The following FBXO25 variants were observed in gnomAD, a reference collection of about 807,000 sequenced individuals.
The protein encoded by FBXO25 is F-box only protein 25.
A neutral mutation model predicts 51.9 loss-of-function variants in FBXO25; 45 were observed. That is an observed-to-expected ratio of 0.87 (90% confidence interval 0.68 to 1.11). The LOEUF (loss-of-function observed/expected upper bound fraction) is 1.11. FBXO25 is among the 50% of genes most tolerant of loss of function. FBXO25 has a pLI of 0.00. For synonymous variants in FBXO25, 199 were observed against 151.0 expected (o/e 1.32, Z -2.33); for missense variants, 507 against 428.5 (o/e 1.18, Z -1.62).
At chr8:414,006 G>T (rs1418531868) in intron 2 of FBXO25, among the ~76,000 whole-genome samples, 6 of 152,106 alleles carry the variant, frequency 3.9e-5, no homozygotes, top group African/African-American at 1.4e-4. Flanking sequence ...AATGTCATGG[G>T]TCTAGTCATT....
chr8:450,137 C>T, intron 6 of FBXO25, 54 bp downstream of exon 6: 2 of 1,331,676 alleles, frequency 1.5e-6, no homozygotes, highest in African/African-American at 1.5e-5. Flanking sequence ...AAATTTGGTG[C>T]AAGGAGATGG....
chr8:464,402 G>A (rs1434137632), intron 9 of FBXO25, among the ~76,000 whole-genome samples: 1 of 152,222 alleles, frequency 6.6e-6, no homozygotes, highest in Non-Finnish European at 1.5e-5. Context: ...TGGTCCTGGA[G>A]TGACCCTGCT....
intron 2 of FBXO25, among the ~76,000 whole-genome samples, chr8:421,081 G>C (rs1797125791): frequency 6.6e-6 from 1 of 152,244 alleles, no homozygotes; most frequent in Non-Finnish European, 1.5e-5. Context: ...CAGGAGGTGA[G>C]CAGAGGGCAG....
chr8:442,288 T>TTA (rs200390503), intron 5 of FBXO25, among the ~76,000 whole-genome samples: 304 of 43,812 alleles, frequency 6.9e-3, no homozygotes, highest in African/African-American at 0.02. Flanking sequence ...ACTCCAATTA[T>TTA]TTTTTTTTTT....
chr8:459,156 C>T (rs558446370), intron 8 of FBXO25, among the ~76,000 whole-genome samples: 56 of 152,324 alleles, frequency 3.7e-4, no homozygotes, highest in African/African-American at 1.3e-3. Flanking sequence ...CCCCTCGTCA[C>T]CCCACAGATG....
chr8:461,372 C>G (rs1404805674), intron 8 of FBXO25, among the ~76,000 whole-genome samples: 2 of 152,162 alleles, frequency 1.3e-5, no homozygotes, highest in Non-Finnish European at 2.9e-5. Context: ...CTGGGGAGGC[C>G]TCACAATCCT....
At chr8:424,578 T>C (rs1181414189) in intron 2 of FBXO25, among the ~76,000 whole-genome samples, 1 of 152,236 alleles carries the variant, frequency 6.6e-6, no homozygotes, top group Admixed American at 6.5e-5. Context: ...GTCTTCTGTA[T>C]GTGGCTAGCC....
At position 474,575 on chromosome 8, in the gene FBXO25, T is replaced by C. The variant is rs1266601486; in HGVS notation, c.*5771T>C. ...CTGTTTTTAATAATTGCCATCCTAA[T>C]GAGTGTGAAGTGGTATCCTGCTGAG... On this transcript the variant is annotated 3_prime_UTR_variant, in exon 10 of 10. Coordinates refer to ENST00000350302, the MANE Select transcript of FBXO25 (RefSeq NM_183420.2). 5 of 367,432 alleles carry C rather than the reference T, an allele frequency of 1.4e-5. No homozygotes were observed. Among genetic ancestry groups the C allele is most frequent in the Non-Finnish European group, 2.6e-5 (5 of 190,560 alleles). 22.8% of individuals were successfully genotyped at this position (367,432 alleles called of 1,614,324 possible). A position where few individuals can be genotyped will look rare whatever the true frequency, so the allele number is the denominator to read the frequency against.
chr8:416,684 C>A (rs987151512), intron 2 of FBXO25, among the ~76,000 whole-genome samples: 2 of 152,106 alleles, frequency 1.3e-5, no homozygotes, highest in African/African-American at 4.8e-5. Context: ...TAAAATCTAC[C>A]CAGGAGCCAG....
At chr8:411,123 A>G (rs1796462254) in intron 1 of FBXO25, among the ~76,000 whole-genome samples, 1 of 152,202 alleles carries the variant, frequency 6.6e-6, no homozygotes, top group African/African-American at 2.4e-5. Context: ...TCTACGATAT[A>G]AATATTCTAT....
intron 9 of FBXO25, chr8:467,912 C>T (rs1800288267): frequency 2.0e-6 from 3 of 1,486,064 alleles, no homozygotes; most frequent in Admixed American, 4.8e-5. Context: ...TGATCAAACA[C>T]CTCAGCAAGG....
intron 2 of FBXO25, among the ~76,000 whole-genome samples, chr8:426,084 T>G (rs17665382): frequency 0.1 from 15,380 of 152,108 alleles, 908 homozygotes; most frequent in African/African-American, 0.16. Context: ...GTGCACGCTG[T>G]TAACCATGGC....
intron 5 of FBXO25, among the ~76,000 whole-genome samples, chr8:445,020 G>C (rs1798649769): frequency 1.3e-5 from 2 of 152,168 alleles, no homozygotes; most frequent in African/African-American, 2.4e-5. Flanking sequence ...ATTCCCAACA[G>C]ACTTTGCTTT....
chr8:449,964 C>A (rs545415694), intron 5 of FBXO25, 26 bp from the exon 6 acceptor site: 7 of 1,507,284 alleles, frequency 4.6e-6, no homozygotes, highest in Non-Finnish European at 6.4e-6. Context: ...ATATATCGCT[C>A]AGCTTTTTTC....
intron 2 of FBXO25, among the ~76,000 whole-genome samples, chr8:423,022 A>C (rs1256134476): frequency 6.6e-6 from 1 of 152,176 alleles, no homozygotes; most frequent in Non-Finnish European, 1.5e-5. Context: ...GTGAGGAACA[A>C]ATCTGTTTGT....
At position 474,441 on chromosome 8, in the gene FBXO25, C is replaced by T. The variant is rs2116898052; in HGVS notation, c.*5637C>T. The T allele has an allele frequency of 3.3e-6, 1 of 299,362 alleles. No homozygotes were observed. Among genetic ancestry groups the T allele is most frequent in the South Asian group, 3.0e-5 (1 of 33,718 alleles). 18.5% of individuals were successfully genotyped at this position (299,362 alleles called of 1,614,324 possible). ...TGAGTCTCTGCTTTCAATCATATGGCAATCCTATGTTTAATTTCTTAGGGC... is the reference window on the plus strand; with the variant it reads ...TGAGTCTCTGCTTTCAATCATATGGTAATCCTATGTTTAATTTCTTAGGGC... On this transcript the variant is annotated 3_prime_UTR_variant, in exon 10 of 10. Coordinates refer to ENST00000350302, the MANE Select transcript of FBXO25 (RefSeq NM_183420.2).
chr8:435,356 T>C (rs536703546), intron 4 of FBXO25: 1 of 481,276 alleles, frequency 2.1e-6, no homozygotes, highest in African/African-American at 2.0e-5. Context: ...GCAAGATATT[T>C]AATAAATATT....
At chr8:460,154 C>T (rs775429327) in intron 8 of FBXO25, among the ~76,000 whole-genome samples, 2 of 152,124 alleles carry the variant, frequency 1.3e-5, no homozygotes, top group Non-Finnish European at 2.9e-5. Flanking sequence ...CTATCACGTG[C>T]AGGCCCGAGC....
intron 8 of FBXO25, among the ~76,000 whole-genome samples, chr8:461,461 A>T (rs1799804035): frequency 6.6e-6 from 1 of 152,210 alleles, no homozygotes; most frequent in East Asian, 1.9e-4. Context: ...ACTGCCCTTT[A>T]TAAAATCATC....
Sources: gnomAD v4.1 joint callset for allele counts (sites outside exome capture counted in the v4.1 genomes callset) on GRCh38, gnomAD v4.1.1 for gene constraint, MANE v1.5 for transcripts, NCBI Gene and HGNC (gene_info 2026-07-23, HGNC 2026-07-21) for gene names.